Variants in CD99L2 observed in about 807,000 individuals in gnomAD.
The protein encoded by CD99L2 is CD99 molecule like 2.
Under a neutral mutation model 27.3 loss-of-function variants are expected in CD99L2, and 24 were observed. The ratio of observed to expected loss-of-function variants is 0.88; its 90% CI spans 0.64 to 1.24. The LOEUF is 1.24. Ranked by LOEUF, CD99L2 falls within the 50% of genes most tolerant of loss-of-function variation. The probability of loss-of-function intolerance (pLI) is 0.00; values close to 1 mark genes in which losing one functional copy is unlikely to be tolerated. For missense variants in CD99L2, 255 were observed against 221.6 expected (o/e 1.15, Z -0.96); for synonymous variants, 97 against 87.9 (o/e 1.10, Z -0.58).
Position 150,776,320 on chromosome X carries a change from G to A in CD99L2, c.536-27C>T, listed in dbSNP as rs782553978. 24 of 1,179,218 alleles carry A rather than the reference G, an allele frequency of 2.0e-5. No homozygotes were observed. In the East Asian group the frequency reaches 6.5e-4, roughly 32 times the overall value. Reference sequence around the variant, plus strand: ...TGCGTGAAGAAGGGGGAGAAATGAGGACAGGTGAGGTCAGAGACAAAGCAC... The same window carrying A: ...TGCGTGAAGAAGGGGGAGAAATGAGAACAGGTGAGGTCAGAGACAAAGCAC... On this transcript the variant is annotated intron_variant, in intron 8 of 10. Coordinates refer to ENST00000370377, the MANE Select transcript of CD99L2 (RefSeq NM_031462.4).
chrX:150,861,141 C>CAAAAAAAAAAAAA lies in CD99L2; in HGVS notation c.68-29861_68-29849dup, dbSNP rs782255590. 4.9e-4 allele frequency among the ~76,000 whole-genome samples: 20 copies of CAAAAAAAAAAAAA among 40,915 alleles called. 1 individual carries two copies. The highest frequency in any genetic ancestry group is 6.1e-4 in the Non-Finnish European group (13 of 21,364). The allele number at this position is 40,915 out of a possible 115,157, so 35.5% of individuals were successfully genotyped here. The stretch of plus-strand genomic sequence containing the variant: ...TGGGTGACAGAGTGAGACTCTGTCT[C>CAAAAAAAAAAAAA]AAAAAAAAAAAAAAAAAAGAGTATC... On this transcript the variant is annotated intron_variant, in intron 1 of 10. Transcript: ENST00000370377.
At chrX:150,878,363 A>G (rs782576889) in intron 1 of CD99L2, among the ~76,000 whole-genome samples, 1 of 109,524 alleles carries the variant, frequency 9.1e-6, no homozygotes, top group Admixed American at 9.8e-5. Flanking sequence ...GAAAGAAAAC[A>G]CCATGGGGGA....
In CD99L2 at chrX:150,814,941, A is replaced by G; in HGVS notation, c.203-5T>C. The G allele has an allele frequency of 8.3e-7, 1 of 1,210,794 alleles. No homozygotes were observed. The highest frequency in any genetic ancestry group is 1.1e-6 in the Non-Finnish European group (1 of 894,861). On this transcript the variant is annotated splice_region_variant and splice_polypyrimidine_tract_variant and intron_variant, in intron 3 of 10. Transcript: ENST00000370377. The stretch of plus-strand genomic sequence containing the variant: ...CAGCCAAGTCCAATCCACTACCTTC[A>G]GTGGGCCCCAAAACATAAAGGAAAC...
intron 4 of CD99L2, among the ~76,000 whole-genome samples, chrX:150,797,029 T>C (rs2045807687): frequency 9.0e-6 from 1 of 111,113 alleles, no homozygotes; most frequent in African/African-American, 3.3e-5. Flanking sequence ...ACTCAATGCA[T>C]AAGTTAGACA....
At chrX:150,807,317 T>C (rs1406240737) in intron 4 of CD99L2, among the ~76,000 whole-genome samples, 1 of 111,812 alleles carries the variant, frequency 8.9e-6, no homozygotes, top group African/African-American at 3.3e-5. Flanking sequence ...GACCTGTTCA[T>C]GAATAGAGGA....
At chrX:150,817,979 A>G (rs1277238826) in intron 2 of CD99L2, among the ~76,000 whole-genome samples, 1 of 110,665 alleles carries the variant, frequency 9.0e-6, no homozygotes, top group Non-Finnish European at 1.9e-5. Context: ...TATAACAAAA[A>G]TTGTTAATGG....
intron 1 of CD99L2, among the ~76,000 whole-genome samples, chrX:150,887,230 GAGGTC>G (rs1294950201): frequency 1.8e-5 from 2 of 109,475 alleles, no homozygotes; most frequent in Non-Finnish European, 3.8e-5. Context: ...TGGATCAACT[GAGGTC>G]AGGAGTTGGA....
intron 7 of CD99L2, 145 bp downstream of exon 7, chrX:150,793,546 A>C (rs1419137307): frequency 4.4e-6 from 2 of 452,657 alleles, no homozygotes; most frequent in Admixed American, 4.6e-5. Flanking sequence ...TGCATGGCTC[A>C]CATCATTCCA....
chrX:150,790,997 T>C (rs2045678569), intron 7 of CD99L2, among the ~76,000 whole-genome samples: 1 of 110,909 alleles, frequency 9.0e-6, no homozygotes, highest in Non-Finnish European at 1.9e-5. Flanking sequence ...AGAACCCTTA[T>C]AAGAAGAGAC....
intron 4 of CD99L2, among the ~76,000 whole-genome samples, chrX:150,813,726 G>A (rs1445086486): frequency 8.9e-6 from 1 of 112,327 alleles, no homozygotes; most frequent in Non-Finnish European, 1.9e-5. Context: ...ACTGCTTTAT[G>A]TGATTATTTC....
chrX:150,815,057 A>G (rs782728279), intron 3 of CD99L2, 121 bp from the exon 4 acceptor site: 326 of 632,842 alleles, frequency 5.2e-4, no homozygotes, highest in Non-Finnish European at 7.6e-4. Flanking sequence ...GGTTAAGACA[A>G]AGAGACTTAT....
intron 4 of CD99L2, among the ~76,000 whole-genome samples, chrX:150,799,907 T>C (rs2045877199): frequency 3.6e-5 from 4 of 111,597 alleles, no homozygotes; most frequent in African/African-American, 6.5e-5. Context: ...AAGCAGAGAC[T>C]CTAACAGAAA....
At chrX:150,792,195 C>T (rs782414081) in intron 7 of CD99L2, among the ~76,000 whole-genome samples, 5 of 111,995 alleles carry the variant, frequency 4.5e-5, no homozygotes, top group Non-Finnish European at 9.4e-5. Context: ...ATTGATTATT[C>T]TTTACAAGAG....
chrX:150,820,970 T>C (rs2046235337), intron 2 of CD99L2, among the ~76,000 whole-genome samples: 1 of 111,658 alleles, frequency 9.0e-6, no homozygotes, highest in Non-Finnish European at 1.9e-5. Context: ...ACCAAGGAAG[T>C]ATAAAGACAT....
intron 7 of CD99L2, among the ~76,000 whole-genome samples, chrX:150,785,574 C>T (rs1557419536): frequency 2.7e-5 from 3 of 111,458 alleles, no homozygotes; most frequent in African/African-American, 9.8e-5. Context: ...CAGATGCACA[C>T]AACTATGAAA....
In CD99L2 at chrX:150,898,531, C is replaced by T. The variant is rs1176905337; in HGVS notation, c.58G>A (p.Val20Ile). Residue 20 changes from valine to isoleucine, a missense_variant, in exon 1 of 11, where the codon GTC (valine) becomes ATC (isoleucine). Val to Ile is a conservative substitution (Grantham distance 29). Transcript: ENST00000370377. The part of the protein sequence containing the change: ...VCLAFSLATL[V>I]QRGSGDFDDF... ...CCCCCGCCCGCCTTACCTCGCTGGA[C>T]CAGGGTGGCCAAGGAGAAAGCGAGG... The T allele has an allele frequency of 2.3e-5, 25 of 1,109,758 alleles. No homozygotes were observed. The highest frequency in any genetic ancestry group is 2.8e-5 in the Non-Finnish European group (24 of 847,763). 91.5% of individuals were successfully genotyped at this position (1,109,758 alleles called of 1,213,427 possible).
At chrX:150,853,146 T>C (rs1692321351) in intron 1 of CD99L2, among the ~76,000 whole-genome samples, 1 of 111,675 alleles carries the variant, frequency 9.0e-6, no homozygotes, top group African/African-American at 3.3e-5. Context: ...CACCCAGACT[T>C]GCACCTTCAG....
intron 7 of CD99L2, among the ~76,000 whole-genome samples, chrX:150,778,685 AATAT>A (rs374603167): frequency 0.029 from 2,350 of 81,451 alleles, 46 homozygotes; most frequent in African/African-American, 0.083. Flanking sequence ...AAAAAAAAAA[AATAT>A]ATATATATAT....
At chrX:150,896,482 T>G (rs1303387605) in intron 1 of CD99L2, among the ~76,000 whole-genome samples, 1 of 112,339 alleles carries the variant, frequency 8.9e-6, no homozygotes, top group Non-Finnish European at 1.9e-5. Context: ...ATCCTGGCTC[T>G]ATGTCTTCTG....
Sources: allele counts gnomAD v4.1 joint callset (sites outside exome capture counted in the v4.1 genomes callset), GRCh38; gene constraint gnomAD v4.1.1; transcripts MANE v1.5; gene names NCBI Gene and HGNC (gene_info 2026-07-23, HGNC 2026-07-21).